Variants in CGGBP1 observed in about 807,000 individuals in gnomAD.
CGGBP1 encodes CGG triplet repeat binding protein 1, also known as CGG triplet repeat-binding protein 1.
Under a neutral mutation model 11.4 loss-of-function variants are expected in CGGBP1, and 4 were observed. The ratio of observed to expected loss-of-function variants is 0.35; its 90% CI spans 0.17 to 0.80. The LOEUF is 0.80. Among genes scored for constraint, CGGBP1 ranks in the 30% least tolerant of loss-of-function variants. The probability of loss-of-function intolerance (pLI) is 0.52; values close to 1 mark genes in which losing one functional copy is unlikely to be tolerated. For missense variants in CGGBP1, 135 were observed against 202.1 expected (o/e 0.67, Z 2.01); for synonymous variants, 76 against 74.1 (o/e 1.03, Z -0.13).
intron 2 of CGGBP1, among the ~76,000 whole-genome samples, chr3:88,133,111 AT>A (rs1239659707): frequency 1.3e-5 from 2 of 152,306 alleles, no homozygotes; most frequent in East Asian, 3.9e-4. Context: ...AGTTGAGAAC[AT>A]TCCAGAGATT....
intron 3 of CGGBP1, 59 bp from the exon 4 acceptor site, chr3:88,056,058 T>A (rs1706534617): frequency 7.5e-7 from 1 of 1,331,422 alleles, no homozygotes; most frequent in African/African-American, 1.5e-5. Flanking sequence ...CTGGAAGTAA[T>A]GAACAATAAA....
chr3:88,140,735 A>G (rs777131147), intron 2 of CGGBP1: 14 of 1,613,650 alleles, frequency 8.7e-6, no homozygotes, highest in Non-Finnish European at 1.2e-5. Flanking sequence ...ACACCTTGCC[A>G]GTATCTCAGG....
At chr3:88,109,543 C>G (rs1704963520) in intron 2 of CGGBP1, among the ~76,000 whole-genome samples, 1 of 151,996 alleles carries the variant, frequency 6.6e-6, no homozygotes, top group South Asian at 2.1e-4. Context: ...GATAAATGCA[C>G]AAATCTTTCT....
chr3:88,111,128 G>A (rs1705067329), intron 2 of CGGBP1, among the ~76,000 whole-genome samples: 1 of 151,972 alleles, frequency 6.6e-6, no homozygotes, highest in South Asian at 2.1e-4. Flanking sequence ...AAGAGTGGAG[G>A]TCCATTAGAT....
upstream of CGGBP1, among the ~76,000 whole-genome samples, chr3:88,059,844 TTCC>T (rs1362899371): frequency 6.6e-6 from 1 of 152,132 alleles, no homozygotes; most frequent in Admixed American, 6.5e-5. Context: ...TTTCTTATGT[TTCC>T]TACCCTGGTC....
intron 2 of CGGBP1, chr3:88,134,923 T>C (rs1706682027): frequency 2.1e-6 from 1 of 475,398 alleles, no homozygotes; most frequent in Non-Finnish European, 3.4e-6. Context: ...GTAGAAGAAG[T>C]AGTTTGGGGG....
At chr3:88,056,164 G>C (rs1211985515) in intron 3 of CGGBP1, 165 bp from the exon 4 acceptor site, 29 of 540,910 alleles carry the variant, frequency 5.4e-5, no homozygotes, top group Non-Finnish European at 8.5e-5. Context: ...ATATATAAGG[G>C]AAGGCAAAAC....
rs1396182585 is a variant in CGGBP1 at position 88,066,136 on chromosome 3, AT to A, written c.-228-7914del. Among the ~76,000 whole-genome samples, 3 of 152,260 alleles carry A rather than the reference AT, an allele frequency of 2.0e-5. No homozygotes were observed. The East Asian group carries it at 5.8e-4, about 29-fold the overall frequency. ...GCATGTGAGATGCTTTTTTAAAAAA[AT>A]GAATTGGTTAAATAAACTTATGAAA... On this transcript the variant is annotated intron_variant, in intron 2 of 3. Coordinates refer to the CGGBP1 transcript ENST00000462901.
At chr3:88,102,854 T>C (rs2107724484) in intron 2 of CGGBP1, among the ~76,000 whole-genome samples, 1 of 147,556 alleles carries the variant, frequency 6.8e-6, no homozygotes, top group East Asian at 2.0e-4. Context: ...TTTCAACTTG[T>C]AGTTTAGATT....
chr3:88,088,909 AT>A (rs1442656064), intron 2 of CGGBP1, among the ~76,000 whole-genome samples: 1 of 151,574 alleles, frequency 6.6e-6, no homozygotes, highest in African/African-American at 2.4e-5. Flanking sequence ...AGTAGCTGGG[AT>A]GACAGGCACC....
At chr3:88,058,528 C>G (rs995833661) in intron 1 of CGGBP1, among the ~76,000 whole-genome samples, 15 of 152,180 alleles carry the variant, frequency 9.9e-5, no homozygotes, top group Non-Finnish European at 1.6e-4. Flanking sequence ...AAGCCCAGCA[C>G]GCCGGCGCCC....
At chr3:88,063,188 A>G (rs887184809), upstream of CGGBP1, among the ~76,000 whole-genome samples, 61 of 152,208 alleles carry the variant, frequency 4.0e-4, 2 homozygotes, top group African/African-American at 4.8e-5. Flanking sequence ...AACATCCTGC[A>G]GTGCACAGGA....
At chr3:88,088,490 T>TA (rs1248374306) in intron 2 of CGGBP1, among the ~76,000 whole-genome samples, 1 of 152,090 alleles carries the variant, frequency 6.6e-6, no homozygotes, top group African/African-American at 2.4e-5. Context: ...AATAATGAGA[T>TA]ATGAAAAATG....
At chr3:88,083,707 T>A (rs1576231640) in intron 2 of CGGBP1, among the ~76,000 whole-genome samples, 1 of 152,038 alleles carries the variant, frequency 6.6e-6, no homozygotes, top group Admixed American at 6.6e-5. Flanking sequence ...TAAGAGTGGG[T>A]TTTTAAGATC....
chr3:88,065,562 T>C (rs1416543489), intron 2 of CGGBP1, among the ~76,000 whole-genome samples: 1 of 152,202 alleles, frequency 6.6e-6, no homozygotes, highest in Non-Finnish European at 1.5e-5. Context: ...GACTGAAATA[T>C]ACCAAAGTGT....
intron 2 of CGGBP1, among the ~76,000 whole-genome samples, chr3:88,069,808 G>A (rs1274664525): frequency 5.9e-5 from 9 of 152,126 alleles, no homozygotes; most frequent in African/African-American, 2.4e-5. Context: ...ACCAGTAGAA[G>A]TTATTTTATG....
chr3:88,069,485 T>G (rs1268567344), intron 2 of CGGBP1, among the ~76,000 whole-genome samples: 1 of 152,198 alleles, frequency 6.6e-6, no homozygotes, highest in African/African-American at 2.4e-5. Context: ...TGGGATATGC[T>G]TAGATGAGAT....
intron 2 of CGGBP1, among the ~76,000 whole-genome samples, chr3:88,134,700 T>C (rs1460918871): frequency 4.6e-5 from 7 of 152,118 alleles, no homozygotes; most frequent in Non-Finnish European, 8.8e-5. Flanking sequence ...AACATTGTTT[T>C]CTAAATTTAC....
intron 2 of CGGBP1, chr3:88,086,493 T>C: frequency 1.8e-6 from 2 of 1,097,358 alleles, no homozygotes; most frequent in Non-Finnish European, 2.4e-6. Flanking sequence ...AAGAAACCTT[T>C]CCTAAAGTAT....
Sources: allele counts gnomAD v4.1 joint callset (sites outside exome capture counted in the v4.1 genomes callset), GRCh38; gene constraint gnomAD v4.1.1; transcripts MANE v1.5; gene names NCBI Gene and HGNC (gene_info 2026-07-23, HGNC 2026-07-21).